TTC6: variants seen among roughly 807,000 people sequenced by gnomAD.
TTC6 encodes the protein tetratricopeptide repeat domain 6, also known as tetratricopeptide repeat protein 6.
In TTC6, 172 loss-of-function variants were observed where a neutral mutation model predicts 210.4. The observed-to-expected ratio is 0.82, with a 90% confidence interval of 0.72 to 0.93. The LOEUF is 0.93. TTC6 is among the 40% of genes least tolerant of loss of function. TTC6 has a pLI of 0.00. For synonymous variants in TTC6, 804 were observed against 819.6 expected, an observed-to-expected ratio of 0.98 and a Z score of 0.32; for missense variants, 2,414 against 2,318.1, an observed-to-expected ratio of 1.04 and a Z score of -0.85.
chr14:37,680,679 T>C (rs905027259), intron 2 of TTC6, among the ~76,000 whole-genome samples: 2 of 152,166 alleles, frequency 1.3e-5, no homozygotes, highest in African/African-American at 4.8e-5. Flanking sequence ...AAATTTGTTT[T>C]GGAAATAAAT....
intron 10 of TTC6, 111 bp downstream of exon 12, chr14:37,739,266 AC>A (rs34245347): frequency 3.6e-6 from 4 of 1,105,264 alleles, no homozygotes; most frequent in Non-Finnish European, 4.9e-6. Flanking sequence ...GAACATATGA[AC>A]CTTTCACTCT....
intron 26 of TTC6, among the ~76,000 whole-genome samples, chr14:37,817,859 A>G (rs1014147491): frequency 6.6e-6 from 1 of 152,190 alleles, no homozygotes; most frequent in Non-Finnish European, 1.5e-5. Flanking sequence ...TCTGCCTTCT[A>G]ATAGACTGTT....
chr14:37,646,121 T>G (rs191085519), intron 1 of TTC6, among the ~76,000 whole-genome samples: 1 of 152,310 alleles, frequency 6.6e-6, no homozygotes, highest in African/African-American at 2.4e-5. Flanking sequence ...ACAGTGCAAT[T>G]GGCACTATAA....
chr14:37,779,191 G>A (rs1032145307), intron 14 of TTC6, among the ~76,000 whole-genome samples: 1 of 152,148 alleles, frequency 6.6e-6, no homozygotes, highest in South Asian at 2.1e-4. Context: ...CCAGTTCATG[G>A]TAGCCCCATG....
At chr14:37,698,221 C>A (rs184283785) in intron 4 of TTC6, among the ~76,000 whole-genome samples, 1 of 152,058 alleles carries the variant, frequency 6.6e-6, no homozygotes, top group South Asian at 2.1e-4. Flanking sequence ...CAATTTTCAA[C>A]CTAAATTTTC....
chr14:37,749,664 T>G (rs1247211552), intron 11 of TTC6, 50 bp from the exon 14 acceptor site: 1 of 1,228,550 alleles, frequency 8.1e-7, no homozygotes, highest in Admixed American at 3.8e-5. Flanking sequence ...TGATAGGATA[T>G]CCTCCTTTAA....
intron 8 of TTC6, 138 bp downstream of exon 10, chr14:37,736,148 G>C (rs1489839104): frequency 1.4e-5 from 8 of 566,870 alleles, no homozygotes; most frequent in Non-Finnish European, 2.5e-5. Context: ...CATTTTGGGA[G>C]TCTGAGGTGG....
At chr14:37,622,607 G>C in exon 1 of TTC6, 2 of 1,534,730 alleles carry the variant, frequency 1.3e-6, no homozygotes, top group Non-Finnish European at 1.7e-6. Context: ...TCTTCCACTT[G>C]GGAAGGGAGC....
intron 1 of TTC6, among the ~76,000 whole-genome samples, chr14:37,660,388 C>T (rs1483255898): frequency 6.6e-6 from 1 of 152,148 alleles, no homozygotes; most frequent in Non-Finnish European, 1.5e-5. Context: ...CCCCACACCT[C>T]ACCCCTGGAC....
intron 24 of TTC6, among the ~76,000 whole-genome samples, chr14:37,810,969 A>G (rs995164816): frequency 3.9e-5 from 6 of 152,172 alleles, no homozygotes; most frequent in African/African-American, 1.4e-4. Context: ...TAACACCCCA[A>G]TTTTGCAGAT....
chr14:37,635,727 C>G (rs983165731), intron 1 of TTC6, among the ~76,000 whole-genome samples: 4 of 151,858 alleles, frequency 2.6e-5, no homozygotes, highest in Admixed American at 2.6e-4. Flanking sequence ...GCCTGTAATC[C>G]CAGCACTTTG....
At chr14:37,608,561 C>G (rs1161508855) in intron 2 of TTC6, among the ~76,000 whole-genome samples, 1 of 152,136 alleles carries the variant, frequency 6.6e-6, no homozygotes, top group African/African-American at 2.4e-5. Context: ...ATTGCCTTGG[C>G]CTTCCAAAGT....
intron 29 of TTC6, chr14:37,837,650 T>G: frequency 5.2e-6 from 1 of 192,006 alleles, no homozygotes; most frequent in South Asian, 7.2e-5. Context: ...TGTTACATAT[T>G]AGTTCACTTA....
chr14:37,663,213 G>A (rs1246477663), intron 1 of TTC6, among the ~76,000 whole-genome samples: 1 of 152,040 alleles, frequency 6.6e-6, no homozygotes, highest in Non-Finnish European at 1.5e-5. Context: ...TGTTGTTGGT[G>A]ATTTTTGTAC....
At chr14:37,765,976 C>A (rs1326376568) in intron 14 of TTC6, among the ~76,000 whole-genome samples, 1 of 152,070 alleles carries the variant, frequency 6.6e-6, no homozygotes, top group Non-Finnish European at 1.5e-5. Context: ...TCTCCCACAC[C>A]ATCCCCCAAG....
intron 29 of TTC6, chr14:37,837,218 A>C (rs1032855070): frequency 6.2e-5 from 15 of 241,324 alleles, no homozygotes; most frequent in Middle Eastern, 4.9e-4. Context: ...CCTGAGAAAA[A>C]GAATTTGCTT....
chr14:37,785,062 C>T (rs1290157238), intron 14 of TTC6, among the ~76,000 whole-genome samples: 5 of 152,126 alleles, frequency 3.3e-5, no homozygotes, highest in Admixed American at 2.6e-4. Flanking sequence ...AGATTTTTTC[C>T]TTCATTTCAA....
At chr14:37,813,991 G>A (rs1164078602) in intron 25 of TTC6, among the ~76,000 whole-genome samples, 1 of 152,152 alleles carries the variant, frequency 6.6e-6, no homozygotes, top group Non-Finnish European at 1.5e-5. Flanking sequence ...CTTTCCAACT[G>A]GCTTAAGGTT....
At chr14:37,772,550 G>A (rs1027129090) in intron 14 of TTC6, 1 of 152,896 alleles carries the variant, frequency 6.5e-6, no homozygotes, top group Non-Finnish European at 1.5e-5. Context: ...GTATGCAGGT[G>A]GGAGCGAACG....
Sources: allele counts gnomAD v4.1 joint callset (sites outside exome capture counted in the v4.1 genomes callset), GRCh38; gene constraint gnomAD v4.1.1; transcripts MANE v1.5; gene names NCBI Gene and HGNC (gene_info 2026-07-23, HGNC 2026-07-21).